Variants in KRT40 observed in about 807,000 individuals in gnomAD.
The protein encoded by KRT40 is keratin 40.
Under a neutral mutation model 43.5 loss-of-function variants are expected in KRT40, and 47 were observed. That is an observed-to-expected ratio of 1.08 (90% CI 0.86 to 1.38). The LOEUF is 1.38. Ranked by LOEUF, KRT40 falls within the 40% of genes most tolerant of loss-of-function variation. KRT40 has a pLI of 0.00. For missense variants in KRT40, 573 were observed against 523.6 expected (o/e 1.09, Z -0.92); for synonymous variants, 212 against 214.0 (o/e 0.99, Z 0.08).
At chr17:40,986,330 C>T (rs887905327), upstream of KRT40, 2 of 152,170 alleles carry the variant, frequency 1.3e-5, no homozygotes, top group African/African-American at 2.4e-5. Context: ...GACACATAGC[C>T]CTCCTGCACA....
At chr17:40,979,300 G>T (rs1276047816) in intron 5 of KRT40, among the ~76,000 whole-genome samples, 1 of 152,120 alleles carries the variant, frequency 6.6e-6, no homozygotes, top group Non-Finnish European at 1.5e-5. Context: ...CGGATCACAA[G>T]GTCAGAAGAT....
chr17:40,979,290 C>A (rs564820655), intron 5 of KRT40, among the ~76,000 whole-genome samples: 4 of 152,082 alleles, frequency 2.6e-5, no homozygotes, highest in South Asian at 4.2e-4. Flanking sequence ...CCGAGGCGGG[C>A]GGATCACAAG....
chr17:40,981,192 G>A (rs1272185128), intron 3 of KRT40, 41 bp from the exon 4 acceptor site: 1 of 1,611,098 alleles, frequency 6.2e-7, no homozygotes, highest in African/African-American at 1.3e-5. Flanking sequence ...AGAATGGTGG[G>A]GAAAAATCCA....
At chr17:40,980,692 A>C (rs1013139935) in intron 5 of KRT40, 93 bp downstream of exon 5, 1 of 1,469,976 alleles carries the variant, frequency 6.8e-7, no homozygotes, top group Admixed American at 2.3e-5. Flanking sequence ...CGGGAAAGGC[A>C]AGGAAATGTG....
At chr17:40,981,201 C>T (rs1330604253) in intron 3 of KRT40, 50 bp from the exon 4 acceptor site, 2 of 1,610,714 alleles carry the variant, frequency 1.2e-6, no homozygotes, top group South Asian at 1.1e-5. Context: ...GGGAAAAATC[C>T]ATTTGACATC....
At position 40,983,094 on chromosome 17, in the gene KRT40, G is replaced by A. The variant is rs767854595; in HGVS notation, c.482C>T (p.Ala161Val). ...CAGTTTGCAGTTGTCAAGCTGTACAGCAAGTCTAGAATTCTCTGCTTTCGT... is the reference window on the plus strand; with the variant it reads ...CAGTTTGCAGTTGTCAAGCTGTACAACAAGTCTAGAATTCTCTGCTTTCGT... ...LCTKAENSRL[A>V]VQLDNCKLAT... Residue 161 changes from alanine to valine, a missense_variant, in exon 2 of 7, where the codon GCT (alanine) becomes GTT (valine). By Grantham distance (64) the Ala-to-Val change is moderately conservative. Coordinates refer to ENST00000377755, the MANE Select transcript of KRT40 (RefSeq NM_001389244.1). 1.3e-6 allele frequency: 2 copies of A among 1,522,612 alleles called. No individual in the cohort carries two copies. The highest frequency in any genetic ancestry group is 1.8e-6 in the Non-Finnish European group (2 of 1,101,412). The allele number at this position is 1,522,612 out of a possible 1,614,324, so 94.3% of individuals were successfully genotyped here.
In KRT40 at chr17:40,983,067, G is replaced by T; in HGVS notation, c.509C>A (p.Ala170Asp). 4 of 1,440,000 alleles carry T rather than the reference G, an allele frequency of 2.8e-6. No individual in the cohort carries two copies. Among genetic ancestry groups the T allele is most frequent in the Non-Finnish European group, 3.9e-6 (4 of 1,027,428 alleles). The allele number at this position is 1,440,000 out of a possible 1,614,324, so 89.2% of individuals were successfully genotyped here. ...TTACTTTGACTTAAAGTCATCAGTG[G>T]CCAGTTTGCAGTTGTCAAGCTGTAC... ...LAVQLDNCKLATDDFKSKYES... is the reference protein window; with the variant it reads ...LAVQLDNCKLDTDDFKSKYES... Residue 170 changes from alanine to aspartate, a missense_variant, in exon 2 of 7, where the codon GCC (alanine) becomes GAC (aspartate). Physicochemically the swap from Ala to Asp is moderately radical, Grantham distance 126. Coordinates refer to ENST00000377755, the MANE Select transcript of KRT40 (RefSeq NM_001389244.1).
Position 40,978,802 on chromosome 17 carries a change from G to C in KRT40, c.1196+2C>G, listed in dbSNP as rs1911943821. 6.2e-7 allele frequency: 1 copy of C among 1,610,292 alleles called. No individual in the cohort carries two copies. Among genetic ancestry groups the C allele is most frequent in the Non-Finnish European group, 8.5e-7 (1 of 1,178,452 alleles). ...GATTTCATGAGTAACTGTGGAACTT[G>C]CCTGCTGTCCTCGCTGTCCAGCAGG... On this transcript the variant is annotated splice_donor_variant, in intron 6 of 6. Transcript: ENST00000377755. LOFTEE classifies it high-confidence loss of function.
Position 40,978,374 on chromosome 17 carries a change from A to G in KRT40, c.1197-78T>C, listed in dbSNP as rs993141098. 11 of 1,163,608 alleles carry G rather than the reference A, an allele frequency of 9.5e-6. No homozygotes were observed. In the African/African-American group the frequency reaches 1.7e-4, roughly 18 times the overall value. 72.1% of individuals were successfully genotyped at this position (1,163,608 alleles called of 1,614,324 possible). ...GGCAACTCAGAAAAACCGTGTCAAA[A>G]TTTGCCCTACAAATTATGTTCTGAA... On this transcript the variant is annotated intron_variant, in intron 6 of 6. Transcript: ENST00000377755.
upstream of KRT40, among the ~76,000 whole-genome samples, chr17:40,985,001 A>G (rs920532786): frequency 6.6e-6 from 1 of 152,168 alleles, no homozygotes; most frequent in Non-Finnish European, 1.5e-5. Flanking sequence ...ATTTCCTGAA[A>G]CTTGCCTTCT....
rs1449822657 is a variant in KRT40, at chr17:40,984,304, C to T, written c.-31G>A. ...CAGAAGCAAAGACAGAGACTGGCTG[C>T]AAAACTTCAGTTGCCTTGACTCCAA... On this transcript the variant is annotated 5_prime_UTR_variant, in exon 1 of 7. Transcript: ENST00000377755. 1 of 1,544,238 alleles carries T rather than the reference C, an allele frequency of 6.5e-7. No homozygotes were observed. The highest frequency in any genetic ancestry group is 1.2e-5 in the South Asian group (1 of 85,566).
rs184306827 is a variant in KRT40 at position 40,980,156 on chromosome 17, T to C, written c.975+629A>G. ...GCAAGTTACTTAATCTGAGTCTCAG[T>C]TTTCCTTATCTGTGTCATGGGATAA... On this transcript the variant is annotated intron_variant, in intron 5 of 6. Transcript: ENST00000377755. 3.5e-4 allele frequency among the ~76,000 whole-genome samples: 54 copies of C among 152,360 alleles called. No individual in the cohort carries two copies. The Middle Eastern group carries it at 0.01, about 29-fold the overall frequency.
In KRT40 at chr17:40,981,048, T is replaced by C; in HGVS notation, c.791A>G (p.Gln264Arg). 1.2e-6 allele frequency: 2 copies of C among 1,614,250 alleles called. No individual in the cohort carries two copies. The highest frequency in any genetic ancestry group is 1.1e-5 in the South Asian group (1 of 91,092). The change falls in exon 4 of 7, where the codon CAG becomes CGG. Residue 264 changes from glutamine (Q) to arginine (R), a missense_variant. Transcript: ENST00000377755. ...LNRVLDEMRC[Q>R]CETVLANNRR... ...ATTGTTGGCAAGCACCGTTTCACAC[T>C]GACAGCGCATCTCATCCAGGACCCT...
In KRT40 at chr17:40,980,786, A is replaced by G. The variant is rs774259260; in HGVS notation, c.974T>C (p.Leu325Pro). Residue 325 changes from leucine (L) to proline (P), a missense_variant and splice_region_variant, in exon 5 of 7, where the codon CTG becomes CCG. Physicochemically the swap from Leu to Pro is moderately conservative, Grantham distance 98 (BLOSUM62 -3). Coordinates refer to ENST00000377755, the MANE Select transcript of KRT40 (RefSeq NM_001389244.1). ...LEIELQAQQSLTESLECTVAE... is the reference protein window; with the variant it reads ...LEIELQAQQSPTESLECTVAE... ...GGACACTGCCTTTGCCTCACGCACC[A>G]GGCTTTGCTGTGCTTGGAGCTCAAT... 2 of 1,597,328 alleles carry G rather than the reference A, an allele frequency of 1.3e-6. No homozygotes were observed. The highest frequency in any genetic ancestry group is 2.2e-5 in the East Asian group (1 of 44,790).
chr17:40,985,385 G>A (rs947059487), upstream of KRT40, among the ~76,000 whole-genome samples: 3 of 152,074 alleles, frequency 2.0e-5, no homozygotes, highest in African/African-American at 7.2e-5. Context: ...CCTCCATTGT[G>A]AAGGATAATC....
chr17:40,982,483 A>C lies in KRT40; in HGVS notation c.531-20T>G, dbSNP rs1912224335. 3 of 1,522,692 alleles carry C rather than the reference A, an allele frequency of 2.0e-6. No individual in the cohort carries two copies. The highest frequency in any genetic ancestry group is 2.1e-5 in the Admixed American group (1 of 47,674). The allele number at this position is 1,522,692 out of a possible 1,614,324, so 94.3% of individuals were successfully genotyped here. Reference sequence around the variant, plus strand: ...TCGTACCTTTCACAGCAAAAGAGAAATCCAACGCTTACTTTGCTGAACGCT... The same window carrying C: ...TCGTACCTTTCACAGCAAAAGAGAACTCCAACGCTTACTTTGCTGAACGCT... On this transcript the variant is annotated intron_variant, in intron 2 of 6. Coordinates refer to ENST00000377755, the MANE Select transcript of KRT40 (RefSeq NM_001389244.1).
Position 40,984,122 on chromosome 17 carries a change from C to G in KRT40, c.152G>C (p.Arg51Thr). 1 of 1,614,112 alleles carries G rather than the reference C, an allele frequency of 6.2e-7. No individual in the cohort carries two copies. Among genetic ancestry groups the G allele is most frequent in the South Asian group, 1.1e-5 (1 of 91,074 alleles). Residue 51 changes from arginine to threonine, a missense_variant, in exon 1 of 7, where the codon AGG becomes ACG. Arg to Thr is a moderately conservative substitution (Grantham distance 71). Transcript: ENST00000377755. ...SRCQTPSFLS[R>T]SRGLTGCLLP... is the part of the protein sequence containing the mutation. ...GAGGCAACCAGTCAGCCCGCGAGAC[C>G]TGGATAGGAAGCTTGGAGTCTGACA...
chr17:40,978,601 T>A (rs1911929571), intron 6 of KRT40, among the ~76,000 whole-genome samples: 1 of 148,230 alleles, frequency 6.7e-6, no homozygotes, highest in South Asian at 2.1e-4. Context: ...AATGTTACAC[T>A]AATAATTAAT....
rs371375504 is a variant in KRT40 at position 40,983,952 on chromosome 17, G to A, written c.322C>T (p.Arg108Cys). Reference sequence around the variant, plus strand: ...TCTGCGTTGGTCTCCTCCAGGCTGCGCACCTTCTCCAGATAGCTGGCGAGT... The same window carrying A: ...TCTGCGTTGGTCTCCTCCAGGCTGCACACCTTCTCCAGATAGCTGGCGAGT... ...DRLASYLEKVRSLEETNAELE... is the reference protein window; with the variant it reads ...DRLASYLEKVCSLEETNAELE... Residue 108 changes from arginine to cysteine, a missense_variant, in exon 1 of 7, where the codon CGC (arginine) becomes TGC (cysteine). Physicochemically the swap from Arg to Cys is radical, Grantham distance 180. Transcript: ENST00000377755. 11 of 1,613,918 alleles carry A rather than the reference G, an allele frequency of 6.8e-6. No individual in the cohort carries two copies. Among genetic ancestry groups the A allele is most frequent in the Middle Eastern group, 1.6e-4 (1 of 6,084 alleles).
Sources: allele counts gnomAD v4.1 joint callset (sites outside exome capture counted in the v4.1 genomes callset), GRCh38; gene constraint gnomAD v4.1.1; transcripts MANE v1.5; gene names NCBI Gene and HGNC (gene_info 2026-07-23, HGNC 2026-07-21).